Variants in CNTN4 observed in about 807,000 individuals in gnomAD.
CNTN4 encodes the protein contactin 4, also known as contactin-4.
In CNTN4, 77 loss-of-function variants were observed where a neutral mutation model predicts 122.5. That is an observed-to-expected ratio of 0.63 (90% CI 0.52 to 0.76). The LOEUF (loss-of-function observed/expected upper bound fraction) is 0.76. Among genes scored for constraint, CNTN4 ranks in the 30% least tolerant of loss-of-function variants. The pLI is 0.00. For synonymous variants in CNTN4, 512 were observed against 447.0 expected (o/e 1.15, Z -1.83); for missense variants, 1,256 against 1,259.1 (o/e 1.00, Z 0.04).
At chr3:2,384,394 C>T (rs1375940433) in intron 3 of CNTN4, among the ~76,000 whole-genome samples, 1 of 152,054 alleles carries the variant, frequency 6.6e-6, no homozygotes, top group Non-Finnish European at 1.5e-5. Flanking sequence ...TCCAAAGTCG[C>T]CTAATTACTC....
Position 3,034,680 on chromosome 3 carries a change from C to A in CNTN4, c.1832C>A (p.Thr611Asn). ...EAVTIDEITD[T>N]TAQLSWRPGP... Reference sequence around the variant, plus strand: ...GTGACAATAGACGAAATCACAGATACCACTGCTCAGCTCTCCTGGAGACCC... The same window carrying A: ...GTGACAATAGACGAAATCACAGATAACACTGCTCAGCTCTCCTGGAGACCC... The change falls in exon 17 of 25, where the codon ACC (threonine) becomes AAC (asparagine). Residue 611 changes from threonine to asparagine, a missense_variant. Thr to Asn is a moderately conservative substitution (Grantham distance 65). Coordinates refer to ENST00000418658, the MANE Select transcript of CNTN4 (RefSeq NM_175607.3). 3 of 1,614,118 alleles carry A rather than the reference C, an allele frequency of 1.9e-6. No individual in the cohort carries two copies. The highest frequency in any genetic ancestry group is 2.2e-5 in the East Asian group (1 of 44,878).
intron 10 of CNTN4, among the ~76,000 whole-genome samples, chr3:2,897,468 T>C (rs1008891077): frequency 1.1e-4 from 16 of 152,134 alleles, no homozygotes; most frequent in Non-Finnish European, 1.8e-4. Flanking sequence ...AGAAATGGCT[T>C]CTGAAATAAT....
chr3:2,646,197 A>G (rs778636245), intron 4 of CNTN4, among the ~76,000 whole-genome samples: 5 of 152,120 alleles, frequency 3.3e-5, no homozygotes, highest in Non-Finnish European at 5.9e-5. Context: ...TGTGGATCCA[A>G]CAATAGAAGA....
At chr3:2,179,889 A>C (rs561065826) in intron 2 of CNTN4, among the ~76,000 whole-genome samples, 20 of 152,130 alleles carry the variant, frequency 1.3e-4, no homozygotes, top group African/African-American at 4.6e-4. Context: ...ATTTTATGTA[A>C]AATAATCATT....
intron 4 of CNTN4, among the ~76,000 whole-genome samples, chr3:2,683,230 T>C (rs2085255462): frequency 6.6e-6 from 1 of 151,584 alleles, no homozygotes; most frequent in Non-Finnish European, 1.5e-5. Flanking sequence ...AGAGATTGAG[T>C]GGAATAAAAG....
intron 3 of CNTN4, among the ~76,000 whole-genome samples, chr3:2,382,323 A>G (rs2046058533): frequency 6.6e-6 from 1 of 151,438 alleles, no homozygotes; most frequent in Non-Finnish European, 1.5e-5. Flanking sequence ...GCGCGCTGTA[A>G]TTTTTGTACT....
At chr3:2,227,173 A>G (rs1042970177) in intron 2 of CNTN4, among the ~76,000 whole-genome samples, 1 of 152,192 alleles carries the variant, frequency 6.6e-6, no homozygotes, top group Non-Finnish European at 1.5e-5. Flanking sequence ...ATCAAAAAAA[A>G]GGAAAGAGAC....
chr3:2,953,890 C>G (rs1317062605), intron 13 of CNTN4, among the ~76,000 whole-genome samples: 1 of 152,132 alleles, frequency 6.6e-6, no homozygotes, highest in African/African-American at 2.4e-5. Context: ...TATTTAGTGA[C>G]TACATCATTT....
chr3:2,571,479 C>G lies in CNTN4; in HGVS notation c.-25C>G. 3.8e-6 allele frequency: 6 copies of G among 1,592,986 alleles called. No individual in the cohort carries two copies. Among genetic ancestry groups the G allele is most frequent in the Non-Finnish European group, 4.3e-6 (5 of 1,160,778 alleles). On this transcript the variant is annotated 5_prime_UTR_variant, in exon 4 of 25. Transcript: ENST00000418658. Reference sequence around the variant, plus strand: ...TATTCGCTTGTTATTGGACTTGAAACTCCCTTTGACCTCGGAAACTGAAGA... The same window carrying G: ...TATTCGCTTGTTATTGGACTTGAAAGTCCCTTTGACCTCGGAAACTGAAGA...
chr3:2,842,366 T>G (rs781036877), intron 7 of CNTN4, among the ~76,000 whole-genome samples: 2 of 152,194 alleles, frequency 1.3e-5, no homozygotes, highest in African/African-American at 2.4e-5. Context: ...AACCCCATCC[T>G]CTTGGTCACT....
intron 2 of CNTN4, among the ~76,000 whole-genome samples, chr3:2,162,159 A>G (rs2035991504): frequency 6.6e-6 from 1 of 152,216 alleles, no homozygotes; most frequent in East Asian, 1.9e-4. Context: ...TCCTATACGC[A>G]TTATATTCAT....
intron 4 of CNTN4, among the ~76,000 whole-genome samples, chr3:2,726,650 A>G (rs371489508): frequency 1.3e-5 from 2 of 152,202 alleles, no homozygotes; most frequent in African/African-American, 4.8e-5. Context: ...TTTTATTCTC[A>G]TGAGTAAACA....
chr3:2,671,073 G>C (rs890105849), intron 4 of CNTN4, among the ~76,000 whole-genome samples: 1 of 152,056 alleles, frequency 6.6e-6, no homozygotes, highest in Non-Finnish European at 1.5e-5. Context: ...TATGTGTCTT[G>C]GAGTTGCTCT....
chr3:2,808,544 T>C (rs2092525568), intron 6 of CNTN4, among the ~76,000 whole-genome samples: 1 of 152,126 alleles, frequency 6.6e-6, no homozygotes, highest in Non-Finnish European at 1.5e-5. Flanking sequence ...GAAGAAAAGA[T>C]AATTGTATGA....
rs935195695 is a variant in CNTN4, at chr3:2,100,573, A to G, written c.-211A>G. The G allele has an allele frequency of 5.3e-5, 8 of 152,324 alleles. No individual in the cohort carries two copies. In the East Asian group the frequency reaches 1.5e-3, roughly 29 times the overall value. The allele number at this position is 152,324 out of a possible 1,614,324, so 9.4% of individuals were successfully genotyped here. On this transcript the variant is annotated 5_prime_UTR_variant, in exon 2 of 25. Transcript: ENST00000418658. ...TCTACCCAAGTGGGTGAAAAAGAAC[A>G]GTGTGTCATGAAGACAGGCACCTGG... is the stretch of plus-strand genomic sequence containing the variant.
chr3:2,234,877 A>C (rs2039623101), intron 2 of CNTN4, among the ~76,000 whole-genome samples: 1 of 152,182 alleles, frequency 6.6e-6, no homozygotes, highest in Non-Finnish European at 1.5e-5. Flanking sequence ...AAAAGATTCA[A>C]GTTTATGCTA....
At chr3:2,606,668 C>T (rs1223662506) in intron 4 of CNTN4, among the ~76,000 whole-genome samples, 1 of 152,014 alleles carries the variant, frequency 6.6e-6, no homozygotes, top group African/African-American at 2.4e-5. Flanking sequence ...AATATTTGCC[C>T]CTCCATGCTC....
At position 2,751,894 on chromosome 3, in the gene CNTN4, A is replaced by C. The variant is rs116797446; in HGVS notation, c.358+6197A>C. On this transcript the variant is annotated intron_variant, in intron 6 of 24. Coordinates refer to ENST00000418658, the MANE Select transcript of CNTN4 (RefSeq NM_175607.3). ...CTTGAGAAGATGAGATGTTATATTGACTAAGTTTAGAGGGAATCAAATGTC... is the reference window on the plus strand; with the variant it reads ...CTTGAGAAGATGAGATGTTATATTGCCTAAGTTTAGAGGGAATCAAATGTC... Among the ~76,000 whole-genome samples, 1,149 of 152,142 alleles carry C rather than the reference A, an allele frequency of 7.6e-3. 15 individuals are homozygous for C. Among genetic ancestry groups the C allele is most frequent in the African/African-American group, 0.026 (1,092 of 41,506 alleles).
Position 2,317,492 on chromosome 3 carries a change from G to A in CNTN4, c.-144-21686G>A, listed in dbSNP as rs528999592. On this transcript the variant is annotated intron_variant, in intron 2 of 24. Coordinates refer to ENST00000418658, the MANE Select transcript of CNTN4 (RefSeq NM_175607.3). ...AAAATTGTGCAGGTTATCATTCCTG[G>A]ATTTCGCGCTCCCTCTCACACACAA... 3.3e-5 allele frequency among the ~76,000 whole-genome samples: 5 copies of A among 152,246 alleles called. No homozygotes were observed. In the East Asian group the frequency reaches 5.8e-4, roughly 18 times the overall value.
Sources: gnomAD v4.1 joint callset for allele counts (sites outside exome capture counted in the v4.1 genomes callset) on GRCh38, gnomAD v4.1.1 for gene constraint, MANE v1.5 for transcripts, NCBI Gene and HGNC (gene_info 2026-07-23, HGNC 2026-07-21) for gene names.